The following ZWILCH variants were observed in gnomAD, a reference collection of about 807,000 sequenced individuals.
ZWILCH encodes protein zwilch homolog.
A neutral mutation model predicts 79.9 loss-of-function variants in ZWILCH; 74 were observed. The ratio of observed to expected loss-of-function variants is 0.93; its 90% CI spans 0.77 to 1.12. ZWILCH has a LOEUF of 1.12. ZWILCH is among the 50% of genes most tolerant of loss of function. ZWILCH has a pLI of 0.00. For synonymous variants in ZWILCH, 241 were observed against 228.2 expected (o/e 1.06, Z -0.51); for missense variants, 694 against 687.5 (o/e 1.01, Z -0.11).
intron 17 of ZWILCH, among the ~76,000 whole-genome samples, chr15:66,544,125 C>T (rs1033250382): frequency 6.6e-6 from 1 of 151,716 alleles, no homozygotes; most frequent in African/African-American, 2.4e-5. Flanking sequence ...GGCATGGTGG[C>T]GCATGCCTGT....
intron 17 of ZWILCH, among the ~76,000 whole-genome samples, chr15:66,542,305 G>T (rs79112447): frequency 2.0e-5 from 3 of 152,094 alleles, no homozygotes; most frequent in Non-Finnish European, 4.4e-5. Flanking sequence ...ACAAAAAAAG[G>T]CCGGGCGCGG....
intron 12 of ZWILCH, among the ~76,000 whole-genome samples, chr15:66,530,955 C>T (rs1264504548): frequency 6.6e-6 from 1 of 152,132 alleles, no homozygotes; most frequent in Admixed American, 6.5e-5. Context: ...ACAAGTATAA[C>T]CTTACTAACC....
At chr15:66,516,968 TTTC>T (rs1692372595) in intron 4 of ZWILCH, among the ~76,000 whole-genome samples, 1 of 152,212 alleles carries the variant, frequency 6.6e-6, no homozygotes, top group Admixed American at 6.5e-5. Flanking sequence ...TTGCTCTCCA[TTTC>T]TTCTTGCATT....
At position 66,537,162 on chromosome 15, in the gene ZWILCH, T is replaced by C; in HGVS notation, c.1479-6T>C. 3 of 1,609,476 alleles carry C rather than the reference T, an allele frequency of 1.9e-6. No homozygotes were observed. The highest frequency in any genetic ancestry group is 2.5e-6 in the Non-Finnish European group (3 of 1,178,388). On this transcript the variant is annotated splice_region_variant and splice_polypyrimidine_tract_variant and intron_variant, in intron 15 of 18. Transcript: ENST00000307897. Reference sequence around the variant, plus strand: ...TTCCAAAAGAGGTTCCATTTTGTTTTTTCAGGATCTGCATAAAGTATTACA... The same window carrying C: ...TTCCAAAAGAGGTTCCATTTTGTTTCTTCAGGATCTGCATAAAGTATTACA...
intron 17 of ZWILCH, among the ~76,000 whole-genome samples, chr15:66,544,703 T>G (rs1054555937): frequency 2.4e-5 from 3 of 123,972 alleles, no homozygotes; most frequent in African/African-American, 9.2e-5. Context: ...ATGCCTTGTT[T>G]TTTTGTTGTT....
chr15:66,535,873 C>A, intron 14 of ZWILCH, 60 bp from the exon 15 acceptor site: 2 of 1,467,108 alleles, frequency 1.4e-6, no homozygotes, highest in Non-Finnish European at 1.8e-6. Flanking sequence ...TACCTATATT[C>A]TTTACAAAGG....
chr15:66,509,924 CGCAG>C (rs1893991805), intron 2 of ZWILCH, among the ~76,000 whole-genome samples: 1 of 141,802 alleles, frequency 7.1e-6, no homozygotes, highest in African/African-American at 2.6e-5. Context: ...TGCCTGTAAT[CGCAG>C]CACTTTGGGA....
At position 66,548,459 on chromosome 15, in the gene ZWILCH, C is replaced by T; in HGVS notation, c.*135C>T. ...AAGGGAGGAAGATCCTGAAGATTCT[C>T]TTATGAAGCTCCAAAATTGATAATC... On this transcript the variant is annotated 3_prime_UTR_variant, in exon 19 of 19. Coordinates refer to ENST00000307897, the MANE Select transcript of ZWILCH (RefSeq NM_017975.5). 1.6e-6 allele frequency: 2 copies of T among 1,250,638 alleles called. No individual in the cohort carries two copies. Among genetic ancestry groups the T allele is most frequent in the Non-Finnish European group, 2.3e-6 (2 of 857,766 alleles). 77.5% of individuals were successfully genotyped at this position (1,250,638 alleles called of 1,614,324 possible). A position where few individuals can be genotyped will look rare whatever the true frequency, so the allele number is the denominator to read the frequency against.
intron 17 of ZWILCH, among the ~76,000 whole-genome samples, chr15:66,543,794 A>C (rs1278870933): frequency 1.3e-5 from 2 of 151,972 alleles, no homozygotes; most frequent in Admixed American, 1.3e-4. Flanking sequence ...CATGCCAAGT[A>C]AATCAGAATC....
intron 10 of ZWILCH, 125 bp downstream of exon 10, chr15:66,528,037 T>C: frequency 1.7e-6 from 1 of 589,846 alleles, no homozygotes; most frequent in Non-Finnish European, 2.8e-6. Flanking sequence ...TTAAGGGGAA[T>C]TTTTGTTGAT....
At chr15:66,529,386 A>G (rs1167502462) in intron 11 of ZWILCH, 108 bp from the exon 12 acceptor site, 7 of 591,284 alleles carry the variant, frequency 1.2e-5, no homozygotes, top group African/African-American at 1.1e-4. Context: ...CCTGCTTGCA[A>G]AGTACAAATT....
chr15:66,517,455 T>TATATATATAGAGAGAGAGAG lies in ZWILCH; in HGVS notation c.321-1423_321-1422insTATATATAGAGAGAGAGAGA, dbSNP rs1180456312. Among the ~76,000 whole-genome samples the TATATATATAGAGAGAGAGAG allele has an allele frequency of 7.8e-5, 9 of 115,216 alleles. No homozygotes were observed. The East Asian group carries it at 2.0e-3, about 26-fold the overall frequency. The allele number at this position is 115,216 out of a possible 152,430, so 75.6% of individuals were successfully genotyped here. Reference sequence around the variant, plus strand: ...GTATATATATATATATATATATATATAGTAATGTACACACATACACCATTT... The same window carrying TATATATATAGAGAGAGAGAG: ...GTATATATATATATATATATATATATATATATATAGAGAGAGAGAGAGTAATGTACACACATACACCATTT... On this transcript the variant is annotated intron_variant, in intron 4 of 18. Transcript: ENST00000307897.
chr15:66,517,696 T>TTATTGG (rs1179328987), intron 4 of ZWILCH, among the ~76,000 whole-genome samples: 1 of 148,900 alleles, frequency 6.7e-6, no homozygotes, highest in East Asian at 1.9e-4. Flanking sequence ...CATTTTGTGT[T>TTATTGG]TATTGGGTCC....
intron 4 of ZWILCH, among the ~76,000 whole-genome samples, chr15:66,517,013 A>G (rs1204440585): frequency 6.6e-6 from 1 of 152,122 alleles, no homozygotes; most frequent in Non-Finnish European, 1.5e-5. Flanking sequence ...CTCTTTTTGG[A>G]AGTAAAATCC....
At chr15:66,541,568 G>A (rs1468960557) in intron 17 of ZWILCH, among the ~76,000 whole-genome samples, 3 of 152,050 alleles carry the variant, frequency 2.0e-5, no homozygotes, top group Non-Finnish European at 4.4e-5. Flanking sequence ...TTGAAATAAG[G>A]GTTGAGATTG....
intron 2 of ZWILCH, among the ~76,000 whole-genome samples, chr15:66,512,689 C>A (rs886378547): frequency 6.6e-6 from 1 of 151,718 alleles, no homozygotes; most frequent in African/African-American, 2.4e-5. Context: ...CTCACTGCAA[C>A]CTCCATCTTC....
intron 8 of ZWILCH, among the ~76,000 whole-genome samples, chr15:66,526,893 C>T (rs1219717505): frequency 6.6e-6 from 1 of 152,202 alleles, no homozygotes; most frequent in African/African-American, 2.4e-5. Flanking sequence ...ATCCGTCTAT[C>T]TTTGCCAAAG....
At chr15:66,537,295 T>G in intron 16 of ZWILCH, 32 bp downstream of exon 16, 1 of 1,520,364 alleles carries the variant, frequency 6.6e-7, no homozygotes, top group African/African-American at 1.4e-5. Context: ...TGGTGGCTCA[T>G]GCCTGTAATC....
Position 66,548,722 on chromosome 15 carries a change from T to C in ZWILCH, c.*398T>C. The C allele has an allele frequency of 2.1e-6, 1 of 487,490 alleles. No homozygotes were observed. Among genetic ancestry groups the C allele is most frequent in the South Asian group, 4.4e-5 (1 of 22,872 alleles). 30.2% of individuals were successfully genotyped at this position (487,490 alleles called of 1,614,324 possible). A position where few individuals can be genotyped will look rare whatever the true frequency, so the allele number is the denominator to read the frequency against. On this transcript the variant is annotated 3_prime_UTR_variant, in exon 19 of 19. Transcript: ENST00000307897. ...AAACTTAAAAAATAGCATCCTCAAA[T>C]TTTCTGATTCTTATTTGCCATGAAA...
Sources: allele counts gnomAD v4.1 joint callset (sites outside exome capture counted in the v4.1 genomes callset), GRCh38; gene constraint gnomAD v4.1.1; transcripts MANE v1.5; gene names NCBI Gene and HGNC (gene_info 2026-07-23, HGNC 2026-07-21).